SBF2: variants seen among roughly 807,000 people sequenced by gnomAD.
SBF2 encodes the protein SET binding factor 2, also known as myotubularin-related protein 13.
In SBF2, 112 loss-of-function variants were observed where a neutral mutation model predicts 225.2. That is an observed-to-expected ratio of 0.50 (90% CI 0.43 to 0.58). SBF2 has a LOEUF of 0.58. Among genes scored for constraint, SBF2 ranks in the 20% least tolerant of loss-of-function variants. The pLI is 0.00. For synonymous variants in SBF2, 763 were observed against 773.3 expected (o/e 0.99, Z 0.22); for missense variants, 1,996 against 2,206.2 (o/e 0.90, Z 1.91).
chr11:9,920,638 T>C (rs562271747), intron 16 of SBF2, among the ~76,000 whole-genome samples: 13 of 152,320 alleles, frequency 8.5e-5, no homozygotes, highest in Non-Finnish European at 1.9e-4. Context: ...CTTTATGATT[T>C]TATCTAAGAT....
intron 30 of SBF2, 23 bp downstream of exon 30, chr11:9,812,509 A>T: frequency 6.2e-7 from 1 of 1,613,888 alleles, no homozygotes; most frequent in Non-Finnish European, 8.5e-7. Context: ...AGTTATAAAG[A>T]AAGAAGCTGC....
At chr11:9,951,231 G>A (rs756765720) in intron 16 of SBF2, among the ~76,000 whole-genome samples, 7 of 152,202 alleles carry the variant, frequency 4.6e-5, no homozygotes, top group Admixed American at 1.3e-4. Flanking sequence ...AGCAGTGAAC[G>A]ATGAGACTGT....
At chr11:9,783,438 C>T (rs945099478) in intron 38 of SBF2, among the ~76,000 whole-genome samples, 9 of 152,162 alleles carry the variant, frequency 5.9e-5, no homozygotes, top group African/African-American at 2.2e-4. Flanking sequence ...TAACAGATTC[C>T]ATTTTATAGA....
chr11:10,208,475 A>T (rs1187559366), intron 1 of SBF2, among the ~76,000 whole-genome samples: 3 of 152,142 alleles, frequency 2.0e-5, no homozygotes, highest in African/African-American at 7.2e-5. Flanking sequence ...ATCATGAACC[A>T]AACTGAAAAT....
chr11:9,887,390 C>G (rs1281783383), intron 17 of SBF2, among the ~76,000 whole-genome samples: 1 of 151,900 alleles, frequency 6.6e-6, no homozygotes, highest in Non-Finnish European at 1.5e-5. Context: ...TAGTTCTAAA[C>G]TAATTATAAT....
chr11:9,928,926 G>C (rs1002486434), intron 16 of SBF2: 6 of 406,726 alleles, frequency 1.5e-5, no homozygotes, highest in Admixed American at 8.9e-5. Flanking sequence ...TTAAATTCAA[G>C]CAATTTTCTT....
chr11:10,240,259 C>CAAAAAAAAAAAAAAAA (rs555675542), intron 1 of SBF2, among the ~76,000 whole-genome samples: 1 of 93,096 alleles, frequency 1.1e-5, no homozygotes. Flanking sequence ...ATTAAAAGAA[C>CAAAAAAAAAAAAAAAA]AAAAAAAAAA....
intron 14 of SBF2, among the ~76,000 whole-genome samples, chr11:9,965,532 C>T (rs1186753574): frequency 6.6e-6 from 1 of 152,176 alleles, no homozygotes; most frequent in Non-Finnish European, 1.5e-5. Context: ...AGGTGATACG[C>T]CGACCTCGGC....
chr11:10,101,659 CTGTGTG>C (rs144213559), intron 2 of SBF2, among the ~76,000 whole-genome samples: 58,793 of 147,982 alleles, frequency 0.4, 11,903 homozygotes, highest in Non-Finnish European at 0.46. Context: ...CTCTCTCGCT[CTGTGTG>C]TGTGTGTGTG....
intron 1 of SBF2, among the ~76,000 whole-genome samples, chr11:10,264,999 G>A (rs930784333): frequency 1.3e-5 from 2 of 152,028 alleles, no homozygotes; most frequent in African/African-American, 4.8e-5. Flanking sequence ...CATCTGGGTG[G>A]GTTCCAATTC....
At chr11:10,180,704 T>A (rs913036824) in intron 2 of SBF2, among the ~76,000 whole-genome samples, 23 of 152,160 alleles carry the variant, frequency 1.5e-4, no homozygotes, top group Non-Finnish European at 3.4e-4. Flanking sequence ...CCAATAACTC[T>A]TAGATTTGCC....
chr11:10,202,775 G>A (rs943559075), intron 1 of SBF2, among the ~76,000 whole-genome samples: 1 of 152,136 alleles, frequency 6.6e-6, no homozygotes, highest in Non-Finnish European at 1.5e-5. Context: ...GTGACAGAGC[G>A]AGACTCCGTC....
intron 1 of SBF2, among the ~76,000 whole-genome samples, chr11:10,300,603 A>G (rs1326044194): frequency 1.3e-5 from 2 of 152,024 alleles, no homozygotes; most frequent in African/African-American, 4.8e-5. Flanking sequence ...TCTGGAGACA[A>G]GTAGCATGAT....
chr11:9,816,455 T>A (rs192032033), intron 29 of SBF2, among the ~76,000 whole-genome samples: 13 of 152,310 alleles, frequency 8.5e-5, no homozygotes, highest in Admixed American at 6.5e-4. Context: ...CTGCTTTAGG[T>A]TTACCATAAC....
At chr11:10,100,769 G>A (rs548039148) in intron 2 of SBF2, among the ~76,000 whole-genome samples, 1 of 152,146 alleles carries the variant, frequency 6.6e-6, no homozygotes, top group East Asian at 1.9e-4. Context: ...ACTGCATGGT[G>A]TCTGTCTTGG....
chr11:9,929,568 T>C (rs1485297540), intron 16 of SBF2, among the ~76,000 whole-genome samples: 6 of 152,178 alleles, frequency 3.9e-5, no homozygotes, highest in African/African-American at 1.4e-4. Flanking sequence ...GGCAAATCGA[T>C]GAGATAAACC....
At chr11:10,011,813 C>T (rs756664671) in intron 6 of SBF2, among the ~76,000 whole-genome samples, 1 of 152,212 alleles carries the variant, frequency 6.6e-6, no homozygotes, top group African/African-American at 2.4e-5. Context: ...CACAATCATG[C>T]TGTGTCTACA....
At chr11:10,205,790 T>C (rs1957731897) in intron 1 of SBF2, among the ~76,000 whole-genome samples, 1 of 152,050 alleles carries the variant, frequency 6.6e-6, no homozygotes. Flanking sequence ...ATAAGCAGGA[T>C]GGCCTGGGAA....
At chr11:10,147,372 G>A (rs565531381) in intron 2 of SBF2, among the ~76,000 whole-genome samples, 15 of 152,270 alleles carry the variant, frequency 9.9e-5, no homozygotes, top group Admixed American at 3.3e-4. Context: ...AATACACCAT[G>A]GAATACTATG....
Sources: allele counts gnomAD v4.1 joint callset (sites outside exome capture counted in the v4.1 genomes callset), GRCh38; gene constraint gnomAD v4.1.1; transcripts MANE v1.5; gene names NCBI Gene and HGNC (gene_info 2026-07-23, HGNC 2026-07-21).